Variants in IPP observed in about 807,000 individuals in gnomAD.
IPP encodes the protein actin-binding protein IPP.
A neutral mutation model predicts 64.1 loss-of-function variants in IPP; 41 were observed. That is an observed-to-expected ratio of 0.64 (90% CI 0.50 to 0.83). IPP has a LOEUF of 0.83. IPP is among the 40% of genes least tolerant of loss of function. IPP has a pLI of 0.00. For missense variants in IPP, 649 were observed against 703.0 expected (o/e 0.92, Z 0.87); for synonymous variants, 214 against 235.2 (o/e 0.91, Z 0.83).
At chr1:45,730,539 G>A (rs1179292923) in intron 3 of IPP, among the ~76,000 whole-genome samples, 1 of 152,136 alleles carries the variant, frequency 6.6e-6, no homozygotes, top group Non-Finnish European at 1.5e-5. Flanking sequence ...ATAAATTCTG[G>A]TGGCATGAGT....
At chr1:45,728,674 T>G (rs1645865301) in intron 4 of IPP, among the ~76,000 whole-genome samples, 1 of 151,992 alleles carries the variant, frequency 6.6e-6, no homozygotes, top group South Asian at 2.1e-4. Context: ...TCTGTATTTT[T>G]GCATAAAGAC....
chr1:45,695,606 A>G (rs921049953), downstream of IPP, among the ~76,000 whole-genome samples: 1 of 151,734 alleles, frequency 6.6e-6, no homozygotes, highest in Non-Finnish European at 1.5e-5. Flanking sequence ...AAAAGGAAAA[A>G]CATTAAAAAT....
intron 3 of IPP, among the ~76,000 whole-genome samples, chr1:45,731,696 G>A (rs912531483): frequency 1.3e-5 from 2 of 151,956 alleles, no homozygotes; most frequent in African/African-American, 4.8e-5. Context: ...AGCACTTTGG[G>A]AGGCCGAGGG....
chr1:45,702,221 G>T (rs1339920207), intron 8 of IPP, among the ~76,000 whole-genome samples: 3 of 150,792 alleles, frequency 2.0e-5, no homozygotes, highest in Non-Finnish European at 2.9e-5. Flanking sequence ...TAGAACTACA[G>T]TTTAATTTTT....
In IPP at chr1:45,721,102, G is replaced by C. The variant is rs928279093; in HGVS notation, c.1049-1762C>G. Among the ~76,000 whole-genome samples the C allele has an allele frequency of 2.0e-5, 3 of 152,278 alleles. No homozygotes were observed. In the East Asian group the frequency reaches 5.8e-4, roughly 29 times the overall value. On this transcript the variant is annotated intron_variant, in intron 5 of 8. Transcript: ENST00000396478. The stretch of plus-strand genomic sequence containing the variant: ...GCACATATGACTTTATGAGGGTCTA[G>C]AATCCTGAATATAAACAAAATTCCT...
rs545900967 is a variant in IPP, at chr1:45,715,594, T to C, written c.1310-1128A>G. Among the ~76,000 whole-genome samples, 6 of 151,610 alleles carry C rather than the reference T, an allele frequency of 4.0e-5. No homozygotes were observed. In the South Asian group the frequency reaches 8.3e-4, roughly 21 times the overall value. On this transcript the variant is annotated intron_variant, in intron 7 of 8. Transcript: ENST00000396478. ...AGGCAGAGCTTGCACTGAGCCAAGA[T>C]TGCACCACTGCACTCCAGCCTGGGC...
At chr1:45,742,727 AG>A (rs1275695958) in intron 2 of IPP, among the ~76,000 whole-genome samples, 3 of 151,754 alleles carry the variant, frequency 2.0e-5, no homozygotes, top group Non-Finnish European at 4.4e-5. Context: ...TTTTAGAGAC[AG>A]GGTTTTGCCG....
chr1:45,694,524 A>G (rs1645369969), downstream of IPP: 3 of 1,471,350 alleles, frequency 2.0e-6, no homozygotes, highest in Admixed American at 2.0e-5. Context: ...ATCTGAAAAG[A>G]AAAGGTAGTT....
chr1:45,749,682 G>A (rs545367360), intron 1 of IPP, among the ~76,000 whole-genome samples: 5 of 151,332 alleles, frequency 3.3e-5, no homozygotes, highest in African/African-American at 1.2e-4. Flanking sequence ...CACCACGCCC[G>A]GCTAATTTTT....
At chr1:45,722,683 T>C (rs1645749840) in intron 5 of IPP, among the ~76,000 whole-genome samples, 1 of 152,178 alleles carries the variant, frequency 6.6e-6, no homozygotes, top group Non-Finnish European at 1.5e-5. Context: ...CCTAAGTATA[T>C]ACCCAAAAGA....
intron 8 of IPP, among the ~76,000 whole-genome samples, chr1:45,710,224 TAAA>T (rs1209349898): frequency 0.024 from 1,531 of 62,634 alleles, no homozygotes; most frequent in African/African-American, 0.1. Flanking sequence ...AGACTCTGTC[TAAA>T]AAAAAAAAAA....
chr1:45,695,643 G>A (rs1645380265), downstream of IPP, among the ~76,000 whole-genome samples: 1 of 151,536 alleles, frequency 6.6e-6, no homozygotes, highest in South Asian at 2.1e-4. Context: ...ATGGTCTAAG[G>A]ATATAGATCA....
At chr1:45,712,896 C>T (rs1028392013) in intron 8 of IPP, among the ~76,000 whole-genome samples, 1 of 148,344 alleles carries the variant, frequency 6.7e-6, no homozygotes, top group Non-Finnish European at 1.5e-5. Flanking sequence ...TATATATACA[C>T]ACCATCCGCC....
chr1:45,745,661 A>G (rs947880498), intron 2 of IPP, among the ~76,000 whole-genome samples: 1 of 151,858 alleles, frequency 6.6e-6, no homozygotes, highest in Non-Finnish European at 1.5e-5. Context: ...GATCGAGACA[A>G]TCCTGGCTAA....
chr1:45,698,717 C>CTTTTTTTT lies in IPP; in HGVS notation c.*1241_*1248dup, dbSNP rs78627575. 1 of 686,392 alleles carries CTTTTTTTT rather than the reference C, an allele frequency of 1.5e-6. No homozygotes were observed. Among genetic ancestry groups the CTTTTTTTT allele is most frequent in the African/African-American group, 2.3e-5 (1 of 43,622 alleles). 42.5% of individuals were successfully genotyped at this position (686,392 alleles called of 1,614,324 possible). A position where few individuals can be genotyped will look rare whatever the true frequency, so the allele number is the denominator to read the frequency against. On this transcript the variant is annotated 3_prime_UTR_variant, in exon 9 of 9. Transcript: ENST00000396478. ...AGCAAAAAAGGAAGAATTTTTTTTT[C>CTTTTTTTT]TTTTTTTTTTTTTTTTTTTGAGACA...
chr1:45,707,582 T>C lies in IPP; in HGVS notation c.1530+6664A>G, dbSNP rs373257701. On this transcript the variant is annotated intron_variant, in intron 8 of 8. Coordinates refer to ENST00000396478, the MANE Select transcript of IPP (RefSeq NM_005897.3). ...ACAATATCTAAAATGAAAAATTCCA[T>C]AGATGGGATTGGACACTGCGAACTA... Among the ~76,000 whole-genome samples the C allele has an allele frequency of 6.6e-5, 10 of 152,078 alleles. No individual in the cohort carries two copies. In the East Asian group the frequency reaches 1.7e-3, roughly 26 times the overall value.
chr1:45,738,739 C>T (rs1296679799), intron 3 of IPP, among the ~76,000 whole-genome samples: 2 of 147,012 alleles, frequency 1.4e-5, no homozygotes, highest in Non-Finnish European at 3.0e-5. Context: ...ACTTGGGAGG[C>T]TGAGGCAGGA....
chr1:45,741,282 C>T lies in IPP; in HGVS notation c.343G>A (p.Asp115Asn). 1 of 1,613,726 alleles carries T rather than the reference C, an allele frequency of 6.2e-7. No homozygotes were observed. Among genetic ancestry groups the T allele is most frequent in the Non-Finnish European group, 8.5e-7 (1 of 1,179,670 alleles). The change falls in exon 3 of 9, where the codon GAC becomes AAC. Residue 115 changes from aspartate (D) to asparagine (N), a missense_variant. Transcript: ENST00000396478. ...NNVQELIIAA[D>N]MLQLTEVVHL... ...ACAACTTCAGTCAACTGTAGCATGT[C>T]TGCTGCAATAATCAACTCCTGGACA...
At chr1:45,741,373 C>A (rs1646063513) in intron 2 of IPP, 41 bp from the exon 3 acceptor site, 3 of 1,327,616 alleles carry the variant, frequency 2.3e-6, no homozygotes, top group Non-Finnish European at 3.2e-6. Flanking sequence ...AAAATAAAAA[C>A]AAACATTGGC....
Sources: gnomAD v4.1 joint callset for allele counts (sites outside exome capture counted in the v4.1 genomes callset) on GRCh38, gnomAD v4.1.1 for gene constraint, MANE v1.5 for transcripts, NCBI Gene and HGNC (gene_info 2026-07-23, HGNC 2026-07-21) for gene names.